The following OPCML variants were observed in gnomAD, a reference collection of about 807,000 sequenced individuals.
OPCML encodes the protein opioid-binding protein/cell adhesion molecule.
A neutral mutation model predicts 37.8 loss-of-function variants in OPCML; 13 were observed. That is an observed-to-expected ratio of 0.34 (90% CI 0.22 to 0.55). The LOEUF is 0.55. Among genes scored for constraint, OPCML ranks in the 20% least tolerant of loss-of-function variants. The probability of loss-of-function intolerance (pLI) is 0.91; values close to 1 mark genes in which losing one functional copy is unlikely to be tolerated. For synonymous variants in OPCML, 176 were observed against 168.8 expected (o/e 1.04, Z -0.33); for missense variants, 341 against 435.6 (o/e 0.78, Z 1.93).
At chr11:132,791,257 T>C (rs1326957117) in intron 2 of OPCML, among the ~76,000 whole-genome samples, 1 of 152,194 alleles carries the variant, frequency 6.6e-6, no homozygotes, top group Non-Finnish European at 1.5e-5. Flanking sequence ...CACCTGAGTC[T>C]GATACTTGTT....
At chr11:133,118,775 G>A (rs1412219457) in intron 1 of OPCML, among the ~76,000 whole-genome samples, 1 of 152,166 alleles carries the variant, frequency 6.6e-6, no homozygotes, top group Non-Finnish European at 1.5e-5. Flanking sequence ...TGACAGCTAA[G>A]TATTCCTGGC....
intron 3 of OPCML, among the ~76,000 whole-genome samples, chr11:132,650,819 AG>A (rs747499419): frequency 6.6e-6 from 1 of 152,176 alleles, no homozygotes; most frequent in Non-Finnish European, 1.5e-5. Context: ...GTCTTTGTGA[AG>A]AGTAAATGTG....
chr11:133,061,219 T>A (rs775583658), intron 1 of OPCML, among the ~76,000 whole-genome samples: 2 of 152,176 alleles, frequency 1.3e-5, no homozygotes, highest in Non-Finnish European at 2.9e-5. Flanking sequence ...AAGAAGATAA[T>A]CCTTTGTGTT....
chr11:132,982,035 T>C (rs1946597805), intron 1 of OPCML, among the ~76,000 whole-genome samples: 1 of 152,168 alleles, frequency 6.6e-6, no homozygotes, highest in Non-Finnish European at 1.5e-5. Context: ...TGCATAATGT[T>C]CTGCCGAGCC....
At chr11:132,510,223 T>A (rs1299663630) in intron 4 of OPCML, among the ~76,000 whole-genome samples, 2 of 152,188 alleles carry the variant, frequency 1.3e-5, no homozygotes, top group Admixed American at 1.3e-4. Context: ...TTACCCAGTA[T>A]CTGTACCCCC....
chr11:133,095,064 A>T (rs994167601), intron 1 of OPCML, among the ~76,000 whole-genome samples: 3 of 151,872 alleles, frequency 2.0e-5, no homozygotes, highest in Non-Finnish European at 4.4e-5. Context: ...GTCGAGAGAT[A>T]CTGGAGCTCC....
chr11:133,092,731 A>G (rs1441224243), intron 1 of OPCML, among the ~76,000 whole-genome samples: 2 of 152,140 alleles, frequency 1.3e-5, no homozygotes, highest in Non-Finnish European at 1.5e-5. Flanking sequence ...CTCAAAACAA[A>G]CAAACAAAAA....
chr11:133,227,807 TAC>T (rs1940103566), intron 1 of OPCML, among the ~76,000 whole-genome samples: 1 of 152,124 alleles, frequency 6.6e-6, no homozygotes, highest in Non-Finnish European at 1.5e-5. Context: ...GAGCTGCAGT[TAC>T]AGTCTCCTAG....
intron 1 of OPCML, among the ~76,000 whole-genome samples, chr11:133,326,836 A>T (rs1168376901): frequency 1.3e-5 from 1 of 76,056 alleles, no homozygotes; most frequent in Non-Finnish European, 2.5e-5. Context: ...TTGTGGGTGT[A>T]TGATTGTGTG....
chr11:133,464,291 C>T (rs1946926420), intron 1 of OPCML, among the ~76,000 whole-genome samples: 1 of 151,470 alleles, frequency 6.6e-6, no homozygotes, highest in Non-Finnish European at 1.5e-5. Context: ...AGTCCACATC[C>T]ACTCGCTTAT....
intron 1 of OPCML, among the ~76,000 whole-genome samples, chr11:133,491,339 C>T (rs1195416155): frequency 1.3e-5 from 2 of 152,144 alleles, no homozygotes; most frequent in Admixed American, 1.3e-4. Context: ...TCTCTTTCCA[C>T]TCATTTTTGG....
At chr11:132,984,687 C>G (rs555063864) in intron 1 of OPCML, among the ~76,000 whole-genome samples, 1 of 152,226 alleles carries the variant, frequency 6.6e-6, no homozygotes, top group East Asian at 1.9e-4. Flanking sequence ...GAACTCTAAC[C>G]AAAGACCACT....
intron 1 of OPCML, among the ~76,000 whole-genome samples, chr11:133,103,129 G>T (rs760998815): frequency 1.6e-4 from 25 of 152,156 alleles, no homozygotes; most frequent in Non-Finnish European, 2.9e-4. Context: ...TTCTAATAGT[G>T]ATCTGGGGAT....
chr11:132,543,787 T>C (rs114562271), intron 3 of OPCML, among the ~76,000 whole-genome samples: 2,322 of 152,232 alleles, frequency 0.015, 54 homozygotes, highest in African/African-American at 0.048. Context: ...CTCACTATCA[T>C]GCTGGATCCA....
intron 3 of OPCML, among the ~76,000 whole-genome samples, chr11:132,545,909 A>G (rs2096367564): frequency 6.6e-6 from 1 of 152,224 alleles, no homozygotes; most frequent in Non-Finnish European, 1.5e-5. Flanking sequence ...TGTATTTGCT[A>G]CAGAGACATA....
chr11:133,129,346 C>A (rs1949569118), intron 1 of OPCML, among the ~76,000 whole-genome samples: 1 of 152,074 alleles, frequency 6.6e-6, no homozygotes, highest in African/African-American at 2.4e-5. Context: ...AGTGCTTGCT[C>A]CTAGCCACCA....
At chr11:132,711,363 G>A (rs561173911) in intron 2 of OPCML, among the ~76,000 whole-genome samples, 59 of 152,286 alleles carry the variant, frequency 3.9e-4, no homozygotes, top group African/African-American at 1.3e-3. Context: ...GCAGGCAAGC[G>A]CAGTTAAAGA....
chr11:132,422,013 A>C (rs2095961048), intron 7 of OPCML, among the ~76,000 whole-genome samples: 1 of 152,126 alleles, frequency 6.6e-6, no homozygotes, highest in African/African-American at 2.4e-5. Flanking sequence ...CAGATTCATA[A>C]GGCCCATATG....
At chr11:132,750,249 T>G (rs1009093918) in intron 2 of OPCML, among the ~76,000 whole-genome samples, 3 of 152,220 alleles carry the variant, frequency 2.0e-5, no homozygotes, top group African/African-American at 7.2e-5. Flanking sequence ...TTTCTAAAAT[T>G]TATATATTGA....
Sources: gnomAD v4.1 joint callset for allele counts (sites outside exome capture counted in the v4.1 genomes callset) on GRCh38, gnomAD v4.1.1 for gene constraint, MANE v1.5 for transcripts, NCBI Gene and HGNC (gene_info 2026-07-23, HGNC 2026-07-21) for gene names.